The following SSBP2 variants were observed in gnomAD, a reference collection of about 807,000 sequenced individuals.
The protein encoded by SSBP2 is single-stranded DNA-binding protein 2.
Under a neutral mutation model 61.8 loss-of-function variants are expected in SSBP2, and 17 were observed. The ratio of observed to expected loss-of-function variants is 0.28; its 90% CI spans 0.19 to 0.41. SSBP2 has a LOEUF of 0.41. SSBP2 is among the 10% of genes least tolerant of loss of function. The probability of loss-of-function intolerance (pLI) is 1.00; values close to 1 mark genes in which losing one functional copy is unlikely to be tolerated. For missense variants in SSBP2, 310 were observed against 458.7 expected (o/e 0.68, Z 2.96); for synonymous variants, 139 against 141.3 (o/e 0.98, Z 0.12).
At chr5:81,533,931 C>T (rs1252370834) in intron 4 of SSBP2, among the ~76,000 whole-genome samples, 1 of 152,072 alleles carries the variant, frequency 6.6e-6, no homozygotes, top group Non-Finnish European at 1.5e-5. Context: ...AGAGTACTCT[C>T]CTTGCTTCTG....
chr5:81,665,418 T>A (rs1751029191), intron 1 of SSBP2, among the ~76,000 whole-genome samples: 1 of 152,178 alleles, frequency 6.6e-6, no homozygotes, highest in South Asian at 2.1e-4. Flanking sequence ...CACCCTTAAA[T>A]CCCGGTATCA....
intron 4 of SSBP2, among the ~76,000 whole-genome samples, chr5:81,575,514 A>G (rs1774149175): frequency 6.6e-6 from 1 of 152,174 alleles, no homozygotes; most frequent in African/African-American, 2.4e-5. Context: ...TAAGCATAAA[A>G]AGAACAATAA....
At chr5:81,722,669 T>C (rs1408698763) in intron 1 of SSBP2, among the ~76,000 whole-genome samples, 1 of 152,028 alleles carries the variant, frequency 6.6e-6, no homozygotes, top group Non-Finnish European at 1.5e-5. Context: ...TGTTTCCTCA[T>C]CATATGATGT....
chr5:81,563,244 A>T (rs1440456482), intron 4 of SSBP2, among the ~76,000 whole-genome samples: 2 of 152,190 alleles, frequency 1.3e-5, no homozygotes, highest in Non-Finnish European at 2.9e-5. Context: ...AATACAATCC[A>T]AAGGAGAAAT....
chr5:81,521,862 TA>T (rs1422342740), intron 4 of SSBP2, among the ~76,000 whole-genome samples: 2 of 152,002 alleles, frequency 1.3e-5, no homozygotes, highest in Non-Finnish European at 2.9e-5. Flanking sequence ...AACAACTAGA[TA>T]AACAGTTGCA....
At chr5:81,661,707 A>G (rs1750714605) in intron 1 of SSBP2, among the ~76,000 whole-genome samples, 2 of 152,016 alleles carry the variant, frequency 1.3e-5, no homozygotes, top group African/African-American at 2.4e-5. Context: ...TTTTCTTGCT[A>G]TCGAGTTGTC....
rs1761296298 is a variant in SSBP2 at position 81,415,951 on chromosome 5, AGTG to A, written c.*4550_*4552del. 6.9e-6 allele frequency: 1 copy of A among 144,508 alleles called. No homozygotes were observed. Among genetic ancestry groups the A allele is most frequent in the Admixed American group, 7.0e-5 (1 of 14,360 alleles). The allele number at this position is 144,508 out of a possible 1,614,324, so 9.0% of individuals were successfully genotyped here. ...AAAAGAGGAAAACCTGATCAAGCAT[AGTG>A]GCTCATGCCTGTAATCCCAGCACTT... On this transcript the variant is annotated 3_prime_UTR_variant, in exon 17 of 17. Coordinates refer to ENST00000320672, the MANE Select transcript of SSBP2 (RefSeq NM_012446.5).
At chr5:81,738,206 T>G (rs1421709309) in intron 1 of SSBP2, among the ~76,000 whole-genome samples, 4 of 152,206 alleles carry the variant, frequency 2.6e-5, no homozygotes, top group Non-Finnish European at 4.4e-5. Context: ...GTAATGTTCT[T>G]TTTCTTGATG....
rs533206975 is a variant in SSBP2 at position 81,671,799 on chromosome 5, G to A, written c.63-21460C>T. 1.1e-4 allele frequency among the ~76,000 whole-genome samples: 16 copies of A among 152,104 alleles called. No homozygotes were observed. In the East Asian group the frequency reaches 1.4e-3, roughly 13 times the overall value. On this transcript the variant is annotated intron_variant, in intron 1 of 16. Coordinates refer to ENST00000320672, the MANE Select transcript of SSBP2 (RefSeq NM_012446.5). ...AAAGGAGCATGTGACAGGTGTACAG[G>A]CAATAAAAACATCAAGAATGTTGAA...
At chr5:81,547,833 T>A (rs1771855615) in intron 4 of SSBP2, among the ~76,000 whole-genome samples, 1 of 152,054 alleles carries the variant, frequency 6.6e-6, no homozygotes, top group South Asian at 2.1e-4. Flanking sequence ...CTACATACTG[T>A]ATGATTCCAA....
intron 1 of SSBP2, among the ~76,000 whole-genome samples, chr5:81,715,350 T>C (rs750005612): frequency 2.6e-4 from 40 of 152,130 alleles, no homozygotes; most frequent in African/African-American, 9.4e-4. Context: ...AAAGAAATTC[T>C]TAAGATGATG....
chr5:81,739,812 T>C (rs770664248), intron 1 of SSBP2, among the ~76,000 whole-genome samples: 1 of 152,228 alleles, frequency 6.6e-6, no homozygotes, highest in Non-Finnish European at 1.5e-5. Flanking sequence ...TCTTACGCTA[T>C]TCTATATACA....
At chr5:81,639,062 T>TTAC (rs1344741013) in intron 2 of SSBP2, among the ~76,000 whole-genome samples, 1 of 152,182 alleles carries the variant, frequency 6.6e-6, no homozygotes, top group Non-Finnish European at 1.5e-5. Flanking sequence ...ACCACCATTA[T>TTAC]TACTGTCAAT....
intron 1 of SSBP2, among the ~76,000 whole-genome samples, chr5:81,722,425 A>T (rs1374672896): frequency 6.7e-6 from 1 of 149,884 alleles, no homozygotes; most frequent in African/African-American, 2.4e-5. Context: ...AATGAGGGCA[A>T]AGAGAACAGT....
intron 1 of SSBP2, among the ~76,000 whole-genome samples, chr5:81,675,834 T>C (rs1247423524): frequency 1.3e-5 from 2 of 152,164 alleles, no homozygotes; most frequent in African/African-American, 4.8e-5. Flanking sequence ...CCCCATATCT[T>C]AAATCATTCC....
chr5:81,516,798 A>T (rs1453622748), intron 4 of SSBP2, among the ~76,000 whole-genome samples: 1 of 141,084 alleles, frequency 7.1e-6, no homozygotes, highest in Non-Finnish European at 1.5e-5. Flanking sequence ...GGTAAATAAG[A>T]AGTTTTTGGA....
At position 81,669,722 on chromosome 5, in the gene SSBP2, C is replaced by T. The variant is rs144929199; in HGVS notation, c.63-19383G>A. Among the ~76,000 whole-genome samples, 1,048 of 151,820 alleles carry T rather than the reference C, an allele frequency of 6.9e-3. 31 individuals carry two copies. The highest frequency in any genetic ancestry group is 0.045 in the East Asian group (230 of 5,142). On this transcript the variant is annotated intron_variant, in intron 1 of 16. Coordinates refer to ENST00000320672, the MANE Select transcript of SSBP2 (RefSeq NM_012446.5). ...TCAATATGTGCAGCAAACCACCATG[C>T]CACATGCATACCTATGTAACAAACC... is the stretch of plus-strand genomic sequence containing the variant.
intron 7 of SSBP2, 31 bp from the exon 8 acceptor site, chr5:81,473,801 A>G: frequency 6.3e-7 from 1 of 1,597,284 alleles, no homozygotes; most frequent in South Asian, 1.1e-5. Flanking sequence ...TTAGCAAAGT[A>G]ATGAGCATGA....
At chr5:81,610,424 GA>G (rs1745330065) in intron 4 of SSBP2, among the ~76,000 whole-genome samples, 2 of 152,154 alleles carry the variant, frequency 1.3e-5, no homozygotes, top group Non-Finnish European at 2.9e-5. Context: ...GACTTGGTAA[GA>G]AAACCTTTAA....
Sources: allele counts gnomAD v4.1 joint callset (sites outside exome capture counted in the v4.1 genomes callset), GRCh38; gene constraint gnomAD v4.1.1; transcripts MANE v1.5; gene names NCBI Gene and HGNC (gene_info 2026-07-23, HGNC 2026-07-21).